Variants in L3MBTL2 observed in about 807,000 individuals in gnomAD.
L3MBTL2 encodes lethal(3)malignant brain tumor-like protein 2.
Under a neutral mutation model 86.4 loss-of-function variants are expected in L3MBTL2, and 49 were observed. The observed-to-expected ratio is 0.57, with a 90% CI of 0.45 to 0.72. L3MBTL2 has a LOEUF of 0.72. Ranked by LOEUF, L3MBTL2 falls within the 30% of genes least tolerant of loss-of-function variation. The pLI is 0.00. For missense variants in L3MBTL2, 755 were observed against 923.7 expected, an observed-to-expected ratio of 0.82 and a Z score of 2.37; for synonymous variants, 336 against 350.6, an observed-to-expected ratio of 0.96 and a Z score of 0.47.
intron 3 of L3MBTL2, 29 bp from the exon 4 acceptor site, chr22:41,216,110 C>A: frequency 6.3e-7 from 1 of 1,597,734 alleles, no homozygotes. Context: ...AGCCGCCAGG[C>A]TACACATAGC....
chr22:41,217,497 C>T (rs2031480867), intron 5 of L3MBTL2: 1 of 323,476 alleles, frequency 3.1e-6, no homozygotes, highest in Non-Finnish European at 5.8e-6. Context: ...CCCTTCTCTC[C>T]TTTCTCCCCC....
chr22:41,207,304 TG>T (rs2030313274), intron 1 of L3MBTL2, among the ~76,000 whole-genome samples: 1 of 146,236 alleles, frequency 6.8e-6, no homozygotes, highest in Non-Finnish European at 1.5e-5. Flanking sequence ...AGTGCAGTGG[TG>T]CAGTCATAGC....
rs772290500 is a variant in L3MBTL2, at chr22:41,214,035, C to A, written c.396+9C>A. On this transcript the variant is annotated intron_variant, in intron 3 of 16. Transcript: ENST00000216237. ...TCTTGGCTAGGTTACAGGTGAGAGG[C>A]AATCACTTGGATCCTTCCCGGTGCC... The A allele has an allele frequency of 3.7e-6, 6 of 1,613,858 alleles. No individual in the cohort carries two copies. Among genetic ancestry groups the A allele is most frequent in the African/African-American group, 2.7e-5 (2 of 74,930 alleles).
At chr22:41,213,742 G>C in intron 2 of L3MBTL2, 151 bp from the exon 3 acceptor site, 2 of 816,682 alleles carry the variant, frequency 2.4e-6, no homozygotes, top group South Asian at 1.6e-5. Flanking sequence ...ATACACACCA[G>C]TACCTCCCAT....
intron 8 of L3MBTL2, among the ~76,000 whole-genome samples, chr22:41,222,553 G>T (rs2031897721): frequency 6.6e-6 from 1 of 151,980 alleles, no homozygotes; most frequent in East Asian, 1.9e-4. Flanking sequence ...CAAGGCAAGA[G>T]GATCACTTGA....
intron 2 of L3MBTL2, among the ~76,000 whole-genome samples, chr22:41,211,718 G>A (rs1269715840): frequency 2.4e-5 from 3 of 126,220 alleles, no homozygotes; most frequent in South Asian, 2.4e-4. Context: ...CACCACACCC[G>A]GCTAATTTTT....
Position 41,227,948 on chromosome 22 carries a change from C to A in L3MBTL2, c.1888+79C>A. 6.4e-7 allele frequency: 1 copy of A among 1,561,382 alleles called. No individual in the cohort carries two copies. Among genetic ancestry groups the A allele is most frequent in the South Asian group, 1.2e-5 (1 of 85,670 alleles). ...TGCGTCCCTGGGAGCAGGCGGGGGT[C>A]AGCCCCCAGGCACTGGTTCCCAGGT... On this transcript the variant is annotated intron_variant, in intron 15 of 16. Coordinates refer to ENST00000216237, the MANE Select transcript of L3MBTL2 (RefSeq NM_031488.5). The surrounding 1 kb of genome is among the most constrained non-coding windows in gnomAD (Gnocchi z 6.0).
intron 16 of L3MBTL2, chr22:41,229,859 C>G: frequency 1.2e-6 from 1 of 845,868 alleles, no homozygotes; most frequent in East Asian, 2.7e-5. Context: ...CCCCTCTAGC[C>G]CGGCCCCGGC....
At position 41,205,318 on chromosome 22, in the gene L3MBTL2, A is replaced by T; in HGVS notation, c.-45A>T. On this transcript the variant is annotated 5_prime_UTR_variant, in exon 1 of 17. Transcript: ENST00000216237. ...TCGCGGAGAGCGACGGGGCAGGCCA[A>T]TATGGCTTCCTGCACCTGGTGACGC... The T allele has an allele frequency of 6.2e-7, 1 of 1,613,148 alleles. No individual in the cohort carries two copies. The highest frequency in any genetic ancestry group is 8.5e-7 in the Non-Finnish European group (1 of 1,179,118).
chr22:41,216,276 G>A lies in L3MBTL2; in HGVS notation c.520+14G>A. ...CAGGACAAGACGGTAAGATAGCAGA[G>A]GGCCCTGCTTAGGAAGCTGCCGTGG... is the stretch of plus-strand genomic sequence containing the variant. On this transcript the variant is annotated intron_variant, in intron 4 of 16. Transcript: ENST00000216237. 1 of 1,610,432 alleles carries A rather than the reference G, an allele frequency of 6.2e-7. No individual in the cohort carries two copies. Among genetic ancestry groups the A allele is most frequent in the South Asian group, 1.1e-5 (1 of 90,952 alleles).
chr22:41,221,357 C>A, intron 8 of L3MBTL2, 70 bp downstream of exon 8: 1 of 1,287,138 alleles, frequency 7.8e-7, no homozygotes, highest in Non-Finnish European at 1.1e-6. Flanking sequence ...GCATGCCACT[C>A]ACTGGAGCAT....
rs1019484161 is a variant in L3MBTL2, at chr22:41,225,693, T to G, written c.1357-101T>G. The G allele has an allele frequency of 4.7e-6, 6 of 1,284,116 alleles. No individual in the cohort carries two copies. The highest frequency in any genetic ancestry group is 4.4e-5 in the African/African-American group (3 of 68,094). The allele number at this position is 1,284,116 out of a possible 1,614,324, so 79.5% of individuals were successfully genotyped here. On this transcript the variant is annotated intron_variant, in intron 11 of 16. Transcript: ENST00000216237. The surrounding 1 kb of genome is among the most constrained non-coding windows in gnomAD (Gnocchi z 4.1). ...CAGGAGGGCCATGCCCTAGATCCGT[T>G]TGGATCCATTTGCCTCGTGTCCCTA... is the stretch of plus-strand genomic sequence containing the variant.
rs749482080 is a variant in L3MBTL2 at position 41,209,875 on chromosome 22, G to A, written c.204G>A (p.Pro68=). The part of the protein sequence containing the change: ...DREAGELPTS[P]LHLLSPGTPR... ...AAGCAGGGGAACTGCCGACCTCCCCGCTGCATTTGCTCAGCCCTGGGACTC... is the reference window on the plus strand; with the variant it reads ...AAGCAGGGGAACTGCCGACCTCCCCACTGCATTTGCTCAGCCCTGGGACTC... The change falls in exon 2 of 17, where the codon CCG becomes CCA. Residue 68 remains proline, a synonymous_variant. Transcript: ENST00000216237. 15 of 1,614,076 alleles carry A rather than the reference G, an allele frequency of 9.3e-6. No individual in the cohort carries two copies. The Admixed American group carries it at 1.0e-4, about 11-fold the overall frequency.
chr22:41,213,472 T>TTG (rs2031080848), intron 2 of L3MBTL2, among the ~76,000 whole-genome samples: 1 of 151,220 alleles, frequency 6.6e-6, no homozygotes, highest in Non-Finnish European at 1.5e-5. Context: ...TTTTTTTTTT[T>TTG]TGGGCAACAA....
At chr22:41,226,472 G>T (rs996787487) in intron 12 of L3MBTL2, among the ~76,000 whole-genome samples, 190 bp from the exon 13 acceptor site, 6 of 152,216 alleles carry the variant, frequency 3.9e-5, no homozygotes, top group African/African-American at 1.4e-4. Context: ...ATTGGTCAGT[G>T]AACAACCTAT....
At position 41,205,389 on chromosome 22, in the gene L3MBTL2, G is replaced by A; in HGVS notation, c.24+3G>A. On this transcript the variant is annotated splice_donor_region_variant and intron_variant, in intron 1 of 16. Coordinates refer to ENST00000216237, the MANE Select transcript of L3MBTL2 (RefSeq NM_031488.5). ...TGGAGAAGCCCCGGAGTATTGAGGTGAGAAGGCGAGGACTTAGCGTGACTG... is the reference window on the plus strand; with the variant it reads ...TGGAGAAGCCCCGGAGTATTGAGGTAAGAAGGCGAGGACTTAGCGTGACTG... 6.2e-7 allele frequency: 1 copy of A among 1,614,210 alleles called. No homozygotes were observed. Among genetic ancestry groups the A allele is most frequent in the Non-Finnish European group, 8.5e-7 (1 of 1,180,024 alleles).
chr22:41,223,494 G>A (rs2031974155), intron 8 of L3MBTL2, among the ~76,000 whole-genome samples: 1 of 151,880 alleles, frequency 6.6e-6, no homozygotes, highest in African/African-American at 2.4e-5. Context: ...GCCCATCAGG[G>A]TCAGAAAGGG....
intron 2 of L3MBTL2, 75 bp downstream of exon 2, chr22:41,210,008 A>G: frequency 6.4e-7 from 1 of 1,559,356 alleles, no homozygotes. Context: ...GATATAGGCT[A>G]TATGGGCAGA....
At chr22:41,223,746 T>C (rs563055440) in intron 8 of L3MBTL2, among the ~76,000 whole-genome samples, 10 of 152,342 alleles carry the variant, frequency 6.6e-5, no homozygotes, top group African/African-American at 2.2e-4. Flanking sequence ...CATCAACTCA[T>C]TGGCGTTTTG....
Sources: gnomAD v4.1 joint callset for allele counts (sites outside exome capture counted in the v4.1 genomes callset) on GRCh38, gnomAD v4.1.1 for gene constraint, Gnocchi (gnomAD v3.1) non-coding constraint, MANE v1.5 for transcripts, NCBI Gene and HGNC (gene_info 2026-07-23, HGNC 2026-07-21) for gene names.